ZFP36L2: variants seen among roughly 807,000 people sequenced by gnomAD.
ZFP36L2 encodes ZFP36 like 2 zinc finger CCCH-type.
In ZFP36L2, 16 loss-of-function variants were observed where a neutral mutation model predicts 27.9. The ratio of observed to expected loss-of-function variants is 0.57; its 90% CI spans 0.39 to 0.87. ZFP36L2 has a LOEUF of 0.87. ZFP36L2 is among the 40% of genes least tolerant of loss of function. ZFP36L2 has a pLI of 0.00. For synonymous variants in ZFP36L2, 600 were observed against 363.8 expected (o/e 1.65, Z -7.39); for missense variants, 989 against 726.9 (o/e 1.36, Z -4.15).
In ZFP36L2 at chr2:43,225,714, C is replaced by T. The variant is rs756788375; in HGVS notation, c.90G>A (p.Met30Ile). The change falls in exon 2 of 2, where the codon ATG (methionine) becomes ATA (isoleucine). Residue 30 changes from methionine to isoleucine, a missense_variant. Coordinates refer to ENST00000282388, the MANE Select transcript of ZFP36L2 (RefSeq NM_006887.5). ...GCGTCCCCACCGCCTTCTTGTCCAG[C>T]ATGTTGTTCAGGTTGAGGTTGGCCA... is the stretch of plus-strand genomic sequence containing the variant. ...KSLANLNLNN[M>I]LDKKAVGTPV... The T allele has an allele frequency of 3.8e-6, 6 of 1,595,362 alleles. No individual in the cohort carries two copies. The highest frequency in any genetic ancestry group is 1.1e-5 in the South Asian group (1 of 90,882).
At position 43,226,507 on chromosome 2, in the gene ZFP36L2, A is replaced by AG. The variant is rs1249540143; in HGVS notation, c.-193dup. ...GCGGGAGGGTCCGGCGGAGTGCGGCAGGGGGGAAGGAGAGAAGCGAGGAGC... is the reference window on the plus strand; with the variant it reads ...GCGGGAGGGTCCGGCGGAGTGCGGCAGGGGGGGAAGGAGAGAAGCGAGGAGC... On this transcript the variant is annotated 5_prime_UTR_variant, in exon 1 of 2. Coordinates refer to ENST00000282388, the MANE Select transcript of ZFP36L2 (RefSeq NM_006887.5). The AG allele has an allele frequency of 9.3e-6, 6 of 645,496 alleles. No homozygotes were observed. Among genetic ancestry groups the AG allele is most frequent in the Middle Eastern group, 4.1e-4 (1 of 2,444 alleles). The allele number at this position is 645,496 out of a possible 1,614,324, so 40.0% of individuals were successfully genotyped here. A position where few individuals can be genotyped will look rare whatever the true frequency, so the allele number is the denominator to read the frequency against.
At position 43,224,631 on chromosome 2, in the gene ZFP36L2, G is replaced by A; in HGVS notation, c.1173C>T (p.Tyr391=). The part of the protein sequence containing the change: ...HNFAAVAAAA[Y]YRSQQQQQQQ... ...GCTGCTGCTGCTGCTGACTGCGGTA[G>A]TAGGCGGCGGCGGCCACGGCGGCAA... Residue 391 remains tyrosine, a synonymous_variant, in exon 2 of 2, where the codon TAC becomes TAT. Transcript: ENST00000282388. 1 of 1,490,328 alleles carries A rather than the reference G, an allele frequency of 6.7e-7. No individual in the cohort carries two copies. The highest frequency in any genetic ancestry group is 8.9e-7 in the Non-Finnish European group (1 of 1,122,910). The allele number at this position is 1,490,328 out of a possible 1,614,324, so 92.3% of individuals were successfully genotyped here. A position where few individuals can be genotyped will look rare whatever the true frequency, so the allele number is the denominator to read the frequency against.
At position 43,224,598 on chromosome 2, in the gene ZFP36L2, G is replaced by A. The variant is rs748822934; in HGVS notation, c.1206C>T (p.Gly402=). Residue 402 remains glycine, a synonymous_variant, in exon 2 of 2, where the codon GGC becomes GGT. Transcript: ENST00000282388. ...YRSQQQQQQQ[G]LAPPAQPPAP... ...CCGGCGGCTGCGCGGGGGGCGCCAG[G>A]CCCTGCTGCTGCTGCTGCTGCTGAC... 69 of 1,386,562 alleles carry A rather than the reference G, an allele frequency of 5.0e-5. No homozygotes were observed. Among genetic ancestry groups the A allele is most frequent in the Non-Finnish European group, 6.1e-5 (65 of 1,060,876 alleles). 85.9% of individuals were successfully genotyped at this position (1,386,562 alleles called of 1,614,324 possible).
Position 43,224,362 on chromosome 2 carries a change from C to T in ZFP36L2, c.1442G>A (p.Arg481His), listed in dbSNP as rs1465797104. The T allele has an allele frequency of 6.4e-7, 1 of 1,556,512 alleles. No homozygotes were observed. Among genetic ancestry groups the T allele is most frequent in the Non-Finnish European group, 8.6e-7 (1 of 1,157,248 alleles). ...GAGGCGGCTGAAGATTGGCAGGCGG[C>T]GGCCAGGGTCGAGGCTGGGAGACTC... is the stretch of plus-strand genomic sequence containing the variant. ...GSESPSLDPG[R>H]RLPIFSRLSI... The change falls in exon 2 of 2, where the codon CGC (arginine) becomes CAC (histidine). Residue 481 changes from arginine to histidine, a missense_variant. Transcript: ENST00000282388.
chr2:43,223,121 T>A lies in ZFP36L2; in HGVS notation c.*1198A>T, dbSNP rs1056705053. On this transcript the variant is annotated 3_prime_UTR_variant, in exon 2 of 2. Transcript: ENST00000282388. ...CCTTTATACATTCTAAGAAAACTCA[T>A]AGGATGTTCCTCAAACTACTTCCAC... The A allele has an allele frequency of 6.6e-6, 1 of 152,348 alleles. No individual in the cohort carries two copies. Among genetic ancestry groups the A allele is most frequent in the African/African-American group, 2.4e-5 (1 of 41,444 alleles). The allele number at this position is 152,348 out of a possible 1,614,324, so 9.4% of individuals were successfully genotyped here. A position where few individuals can be genotyped will look rare whatever the true frequency, so the allele number is the denominator to read the frequency against.
chr2:43,224,698 A>C lies in ZFP36L2; in HGVS notation c.1106T>G (p.Leu369Arg), dbSNP rs1463592049. 2 of 1,536,616 alleles carry C rather than the reference A, an allele frequency of 1.3e-6. No homozygotes were observed. The highest frequency in any genetic ancestry group is 1.7e-6 in the Non-Finnish European group (2 of 1,147,260). Residue 369 changes from leucine to arginine, a missense_variant, in exon 2 of 2, where the codon CTC becomes CGC. By Grantham distance (102) the Leu-to-Arg change is moderately radical (BLOSUM62 -2). Transcript: ENST00000282388. ...GGCGAGCGGCGTGATGAGGCTGCTGAGCTCCGGACCGAAGGCGAAGGCGTT... is the reference window on the plus strand; with the variant it reads ...GGCGAGCGGCGTGATGAGGCTGCTGCGCTCCGGACCGAAGGCGAAGGCGTT... ...ANNAFAFGPE[L>R]SSLITPLAIQ... is the part of the protein sequence containing the mutation.
Position 43,224,901 on chromosome 2 carries a change from G to GGAGGAGCAGGACGAGGCC in ZFP36L2, c.885_902dup (p.Ala296_Ser301dup). 3.2e-6 allele frequency: 5 copies of GGAGGAGCAGGACGAGGCC among 1,542,964 alleles called. No individual in the cohort carries two copies. Among genetic ancestry groups the GGAGGAGCAGGACGAGGCC allele is most frequent in the Admixed American group, 2.0e-5 (1 of 49,256 alleles). The stretch of plus-strand genomic sequence containing the variant: ...AGGCCGAGGAACAGGAGGAGGCGGA[G>GGAGGAGCAGGACGAGGCC]GAGGAGCAGGACGAGGCCGAAGAGC... On this transcript the variant is annotated inframe_insertion, in exon 2 of 2. Coordinates refer to ENST00000282388, the MANE Select transcript of ZFP36L2 (RefSeq NM_006887.5).
At position 43,224,253 on chromosome 2, in the gene ZFP36L2, TG is replaced by T; in HGVS notation, c.*65del. Reference sequence around the variant, plus strand: ...TCCCGTGCCCCCAGCAAGGGCGAGATGGCGAGGGGTGTCCTCCAACATCTCT... The same window carrying T: ...TCCCGTGCCCCCAGCAAGGGCGAGATGCGAGGGGTGTCCTCCAACATCTCT... On this transcript the variant is annotated 3_prime_UTR_variant, in exon 2 of 2. Transcript: ENST00000282388. The T allele has an allele frequency of 7.0e-7, 1 of 1,433,158 alleles. No homozygotes were observed. Among genetic ancestry groups the T allele is most frequent in the Non-Finnish European group, 9.2e-7 (1 of 1,090,092 alleles). 88.8% of individuals were successfully genotyped at this position (1,433,158 alleles called of 1,614,324 possible).
Position 43,225,421 on chromosome 2 carries a change from C to G in ZFP36L2, c.383G>C (p.Gly128Ala). 6.2e-7 allele frequency: 1 copy of G among 1,613,286 alleles called. No individual in the cohort carries two copies. ...KFRDRSFSEN[G>A]DRSQHLLHLQ... ...GTGCAGGAGGTGCTGGCTGCGATCG[C>G]CGTTCTCGCTAAACGAGCGGTCCCG... Residue 128 changes from glycine to alanine, a missense_variant, in exon 2 of 2, where the codon GGC becomes GCC. Physicochemically the swap from Gly to Ala is moderately conservative, Grantham distance 60. Coordinates refer to ENST00000282388, the MANE Select transcript of ZFP36L2 (RefSeq NM_006887.5).
Position 43,224,734 on chromosome 2 carries a change from G to T in ZFP36L2, c.1070C>A (p.Ser357Ter). The T allele has an allele frequency of 6.6e-7, 1 of 1,521,924 alleles. No individual in the cohort carries two copies. 94.3% of individuals were successfully genotyped at this position (1,521,924 alleles called of 1,614,324 possible). Residue 357 changes from serine to a stop codon, truncating the protein, a stop_gained, in exon 2 of 2, where the codon TCG becomes TAG. Coordinates refer to ENST00000282388, the MANE Select transcript of ZFP36L2 (RefSeq NM_006887.5). LOFTEE classifies it high-confidence loss of function. ...GAAGGCGAAGGCGTTGTTGGCGCAC[G>T]AGGCCGACGAGCAGGCCGCGCACGG... is the stretch of plus-strand genomic sequence containing the variant. ...GAPCAACSSASCANNAFAFGP... is the reference protein window; with the variant it reads ...GAPCAACSSA
In ZFP36L2 at chr2:43,225,107, G is replaced by A; in HGVS notation, c.697C>T (p.Leu233=). 1 of 1,593,600 alleles carries A rather than the reference G, an allele frequency of 6.3e-7. No homozygotes were observed. ...PAPSGGASGD[L]RAFGTRDALH... ...GCATCGCGCGTGCCAAAGGCACGCA[G>A]GTCCCCGGAGGCGCCCCCCGACGGC... is the stretch of plus-strand genomic sequence containing the variant. The change falls in exon 2 of 2, where the codon CTG becomes TTG. Residue 233 remains leucine, a synonymous_variant. Coordinates refer to ENST00000282388, the MANE Select transcript of ZFP36L2 (RefSeq NM_006887.5).
chr2:43,225,913 A>G (rs1323780492), intron 1 of ZFP36L2, among the ~76,000 whole-genome samples, 161 bp from the exon 2 acceptor site: 1 of 151,768 alleles, frequency 6.6e-6, no homozygotes, highest in African/African-American at 2.4e-5. Flanking sequence ...CACGCGCAAA[A>G]CCAGCAAGAT....
rs1558426543 is a variant in ZFP36L2, at chr2:43,222,446, ATT to A, written c.*1871_*1872del. On this transcript the variant is annotated 3_prime_UTR_variant, in exon 2 of 2. Transcript: ENST00000282388. ...TTTTATTGGGGGAAAACTACAAAAC[ATT>A]TACAGTACAATGTTTACAGTCACAA... The A allele has an allele frequency of 6.6e-6, 1 of 152,374 alleles. No individual in the cohort carries two copies. Among genetic ancestry groups the A allele is most frequent in the Non-Finnish European group, 1.5e-5 (1 of 68,040 alleles). 9.4% of individuals were successfully genotyped at this position (152,374 alleles called of 1,614,324 possible).
Position 43,224,600 on chromosome 2 carries a change from C to CCTGCTGCTA in ZFP36L2, c.1203_1204insTAGCAGCAG (p.Gln401_Gly402insTer). Reference sequence around the variant, plus strand: ...GGCGGCTGCGCGGGGGGCGCCAGGCCCTGCTGCTGCTGCTGCTGCTGACTG... The same window carrying CCTGCTGCTA: ...GGCGGCTGCGCGGGGGGCGCCAGGCCCTGCTGCTACTGCTGCTGCTGCTGCTGCTGACTG... On this transcript the variant is annotated stop_gained and inframe_insertion, in exon 2 of 2. Coordinates refer to ENST00000282388, the MANE Select transcript of ZFP36L2 (RefSeq NM_006887.5). LOFTEE classifies it high-confidence loss of function. 7.1e-7 allele frequency: 1 copy of CCTGCTGCTA among 1,413,890 alleles called. No homozygotes were observed. The highest frequency in any genetic ancestry group is 9.2e-7 in the Non-Finnish European group (1 of 1,083,470). 87.6% of individuals were successfully genotyped at this position (1,413,890 alleles called of 1,614,324 possible).
chr2:43,224,205 A>C lies in ZFP36L2; in HGVS notation c.*114T>G. ...GCTCGGTCGGGCTTGCAGTCTGCCT[A>C]GGGCCCATGTCACCCCCCCCACTCC... On this transcript the variant is annotated 3_prime_UTR_variant, in exon 2 of 2. Transcript: ENST00000282388. 4.1e-4 allele frequency: 442 copies of C among 1,069,488 alleles called. No homozygotes were observed. The highest frequency in any genetic ancestry group is 6.5e-4 in the Middle Eastern group (2 of 3,076). 66.2% of individuals were successfully genotyped at this position (1,069,488 alleles called of 1,614,324 possible). A position where few individuals can be genotyped will look rare whatever the true frequency, so the allele number is the denominator to read the frequency against.
chr2:43,224,636 C>T lies in ZFP36L2; in HGVS notation c.1168G>A (p.Ala390Thr). 1 of 1,484,520 alleles carries T rather than the reference C, an allele frequency of 6.7e-7. No individual in the cohort carries two copies. The highest frequency in any genetic ancestry group is 8.9e-7 in the Non-Finnish European group (1 of 1,119,218). 92.0% of individuals were successfully genotyped at this position (1,484,520 alleles called of 1,614,324 possible). A position where few individuals can be genotyped will look rare whatever the true frequency, so the allele number is the denominator to read the frequency against. ...THNFAAVAAA[A>T]YYRSQQQQQQ... Reference sequence around the variant, plus strand: ...TGCTGCTGCTGACTGCGGTAGTAGGCGGCGGCGGCCACGGCGGCAAAGTTG... The same window carrying T: ...TGCTGCTGCTGACTGCGGTAGTAGGTGGCGGCGGCCACGGCGGCAAAGTTG... Residue 390 changes from alanine to threonine, a missense_variant, in exon 2 of 2, where the codon GCC (alanine) becomes ACC (threonine). Transcript: ENST00000282388.
chr2:43,224,811 G>GGCCGCAGCCGCGGCC lies in ZFP36L2; in HGVS notation c.978_992dup (p.Ala328_Ala332dup). 1.4e-6 allele frequency: 2 copies of GGCCGCAGCCGCGGCC among 1,422,610 alleles called. No homozygotes were observed. The highest frequency in any genetic ancestry group is 1.5e-5 in the African/African-American group (1 of 65,722). The allele number at this position is 1,422,610 out of a possible 1,614,324, so 88.1% of individuals were successfully genotyped here. The stretch of plus-strand genomic sequence containing the variant: ...CGCCCCCGGTGCCGTACAGCAGAGC[G>GGCCGCAGCCGCGGCC]GCCGCAGCCGCGGCCGCCGCGGAGG... On this transcript the variant is annotated inframe_insertion, in exon 2 of 2. Coordinates refer to ENST00000282388, the MANE Select transcript of ZFP36L2 (RefSeq NM_006887.5).
In ZFP36L2 at chr2:43,225,681, G is replaced by C. The variant is rs138412003; in HGVS notation, c.123C>G (p.Ala41=). The part of the protein sequence containing the change: ...LDKKAVGTPV[A]AAPSSGFAPG... ...GCGCGAAGCCCGAGCTGGGGGCGGC[G>C]GCCACAGGCGTCCCCACCGCCTTCT... The change falls in exon 2 of 2, where the codon GCC becomes GCG. Residue 41 remains alanine (A), a synonymous_variant. Coordinates refer to ENST00000282388, the MANE Select transcript of ZFP36L2 (RefSeq NM_006887.5). 3 of 1,593,882 alleles carry C rather than the reference G, an allele frequency of 1.9e-6. No homozygotes were observed. Among genetic ancestry groups the C allele is most frequent in the East Asian group, 2.3e-5 (1 of 44,310 alleles).
In ZFP36L2 at chr2:43,225,153, G is replaced by C. The variant is rs1477249578; in HGVS notation, c.651C>G (p.Asn217Lys). The change falls in exon 2 of 2, where the codon AAC (asparagine) becomes AAG (lysine). Residue 217 changes from asparagine to lysine, a missense_variant. Coordinates refer to ENST00000282388, the MANE Select transcript of ZFP36L2 (RefSeq NM_006887.5). Reference protein sequence around the residue: ...PYGPRCHFIHNADERRPAPSG... With the variant: ...PYGPRCHFIHKADERRPAPSG... The stretch of plus-strand genomic sequence containing the variant: ...ACGGCGCGGGCCGCCGCTCGTCCGC[G>C]TTGTGGATGAAGTGGCAGCGCGGCC... 1.9e-6 allele frequency: 3 copies of C among 1,597,972 alleles called. No homozygotes were observed. The highest frequency in any genetic ancestry group is 2.2e-5 in the South Asian group (2 of 90,996).
Sources: allele counts gnomAD v4.1 joint callset (sites outside exome capture counted in the v4.1 genomes callset), GRCh38; gene constraint gnomAD v4.1.1; transcripts MANE v1.5; gene names NCBI Gene and HGNC (gene_info 2026-07-23, HGNC 2026-07-21).